The following RBFOX1 variants were observed in gnomAD, a reference collection of about 807,000 sequenced individuals.
RBFOX1 encodes RNA binding protein fox-1 homolog 1.
RBFOX1 carries 8 observed loss-of-function variants against 57.7 expected under a neutral mutation model. The observed-to-expected ratio is 0.14, with a 90% CI of 0.08 to 0.25. The LOEUF is 0.25. Among genes scored for constraint, RBFOX1 ranks in the 10% least tolerant of loss-of-function variants. RBFOX1 has a pLI of 1.00. For missense variants in RBFOX1, 611 were observed against 548.5 expected (o/e 1.11, Z -1.14); for synonymous variants, 326 against 222.4 (o/e 1.47, Z -4.15).
chr16:7,624,955 A>G (rs917585317), intron 10 of RBFOX1, among the ~76,000 whole-genome samples: 3 of 152,200 alleles, frequency 2.0e-5, no homozygotes, highest in Non-Finnish European at 4.4e-5. Context: ...GGAGGAAGAA[A>G]GAAAAGAACA....
At chr16:7,220,107 A>G (rs191921768) in intron 4 of RBFOX1, among the ~76,000 whole-genome samples, 3 of 152,344 alleles carry the variant, frequency 2.0e-5, no homozygotes, top group East Asian at 1.9e-4. Context: ...ACCAAACAAA[A>G]TTCACCATAT....
At chr16:5,504,199 C>T (rs2043298581) in intron 2 of RBFOX1, among the ~76,000 whole-genome samples, 2 of 152,218 alleles carry the variant, frequency 1.3e-5, no homozygotes, top group South Asian at 4.1e-4. Context: ...AGAGCAGCAG[C>T]ACCCCTGGAG....
Position 7,665,548 on chromosome 16 carries a change from T to C in RBFOX1, c.930+580T>C, listed in dbSNP as rs780970614. Among the ~76,000 whole-genome samples, 3 of 152,142 alleles carry C rather than the reference T, an allele frequency of 2.0e-5. No homozygotes were observed. The East Asian group carries it at 5.8e-4, about 29-fold the overall frequency. On this transcript the variant is annotated intron_variant, in intron 13 of 15. Transcript: ENST00000550418. Reference sequence around the variant, plus strand: ...TTCCATTTCCCCCAATTACCTGACTTAAAATTGCTTGCTAAATAGTAACAC... The same window carrying C: ...TTCCATTTCCCCCAATTACCTGACTCAAAATTGCTTGCTAAATAGTAACAC...
At chr16:5,454,371 G>T (rs1388075272) in intron 1 of RBFOX1, among the ~76,000 whole-genome samples, 4 of 152,230 alleles carry the variant, frequency 2.6e-5, no homozygotes, top group African/African-American at 9.6e-5. Flanking sequence ...GTTTGAGCAG[G>T]TGTGAAGGTT....
intron 2 of RBFOX1, among the ~76,000 whole-genome samples, chr16:6,568,368 G>T (rs569330248): frequency 6.6e-6 from 1 of 152,266 alleles, no homozygotes; most frequent in South Asian, 2.1e-4. Flanking sequence ...TTTACAGGCT[G>T]CTGGAGTGTC....
At chr16:6,757,805 T>C (rs927449508) in intron 3 of RBFOX1, among the ~76,000 whole-genome samples, 13 of 152,188 alleles carry the variant, frequency 8.5e-5, no homozygotes, top group Admixed American at 8.5e-4. Context: ...TTGAAATGTC[T>C]CCAACCATAG....
rs1287736402 is a variant in RBFOX1 at position 7,692,898 on chromosome 16, TGATA to T, written c.995+16061_995+16064del. Among the ~76,000 whole-genome samples the T allele has an allele frequency of 3.3e-5, 5 of 152,048 alleles. No individual in the cohort carries two copies. In the East Asian group the frequency reaches 7.7e-4, roughly 24 times the overall value. ...GACAGCACTTTTTCTTATTTTTTTT[TGATA>T]TTATAAGTCTAGAATTTTATAATTT... On this transcript the variant is annotated intron_variant, in intron 14 of 15. Transcript: ENST00000550418.
intron 2 of RBFOX1, among the ~76,000 whole-genome samples, chr16:6,592,501 C>CATTTG (rs1385582930): frequency 2.0e-5 from 3 of 152,146 alleles, no homozygotes; most frequent in Non-Finnish European, 4.4e-5. Flanking sequence ...ATGGAGCGTG[C>CATTTG]ATTTGTACAT....
chr16:7,487,878 C>G (rs187853097), intron 4 of RBFOX1, among the ~76,000 whole-genome samples: 5 of 152,290 alleles, frequency 3.3e-5, no homozygotes, highest in Admixed American at 1.3e-4. Context: ...AACAGTCAAT[C>G]TCAATTCCAA....
chr16:7,628,485 C>A (rs751292086), intron 10 of RBFOX1, among the ~76,000 whole-genome samples: 4 of 152,152 alleles, frequency 2.6e-5, no homozygotes, highest in Non-Finnish European at 5.9e-5. Flanking sequence ...CCTCCCCTTG[C>A]TTGGTTTCAT....
intron 3 of RBFOX1, among the ~76,000 whole-genome samples, chr16:6,864,676 C>T (rs2059601618): frequency 6.6e-6 from 1 of 151,732 alleles, no homozygotes; most frequent in Non-Finnish European, 1.5e-5. Flanking sequence ...TCCAAACTGG[C>T]TTTTAAAGCC....
intron 2 of RBFOX1, among the ~76,000 whole-genome samples, chr16:6,531,241 A>G (rs2096653920): frequency 6.6e-6 from 1 of 152,140 alleles, no homozygotes; most frequent in African/African-American, 2.4e-5. Flanking sequence ...ACAGCCATCA[A>G]GTTTGCTGTG....
chr16:6,184,099 T>G (rs2097089196), intron 1 of RBFOX1, among the ~76,000 whole-genome samples: 1 of 152,174 alleles, frequency 6.6e-6, no homozygotes, highest in Admixed American at 6.5e-5. Context: ...GGATTTCCCC[T>G]TATAAAACCA....
chr16:6,961,852 C>G (rs1020473138), intron 3 of RBFOX1, among the ~76,000 whole-genome samples: 2 of 152,148 alleles, frequency 1.3e-5, no homozygotes, highest in South Asian at 4.2e-4. Flanking sequence ...AAGTCACTTT[C>G]CTTGCCATCC....
chr16:5,367,097 T>C (rs995580854), intron 1 of RBFOX1, among the ~76,000 whole-genome samples: 2 of 146,982 alleles, frequency 1.4e-5, no homozygotes, highest in African/African-American at 4.9e-5. Context: ...ATGTCAGAAA[T>C]GCATTTTAAT....
intron 3 of RBFOX1, among the ~76,000 whole-genome samples, chr16:5,862,097 G>C (rs1225632809): frequency 2.0e-5 from 3 of 152,160 alleles, no homozygotes; most frequent in Admixed American, 1.3e-4. Context: ...TCATACGCTG[G>C]TGTCAGACCA....
At chr16:7,244,237 C>T (rs1277883207) in intron 4 of RBFOX1, among the ~76,000 whole-genome samples, 2 of 84,210 alleles carry the variant, frequency 2.4e-5, no homozygotes. Flanking sequence ...AGGAAAATGC[C>T]AAAGTATTCC....
chr16:6,665,813 T>G (rs544548111), intron 3 of RBFOX1, among the ~76,000 whole-genome samples: 43 of 152,276 alleles, frequency 2.8e-4, no homozygotes, highest in Non-Finnish European at 1.2e-4. Context: ...AAAGATCCTT[T>G]AAGACAGATA....
intron 4 of RBFOX1, among the ~76,000 whole-genome samples, chr16:7,330,165 C>A (rs2096665511): frequency 6.6e-6 from 1 of 152,090 alleles, no homozygotes; most frequent in Admixed American, 6.6e-5. Context: ...TCCAGGACCT[C>A]CCCTCAGATA....
Sources: gnomAD v4.1 joint callset for allele counts (sites outside exome capture counted in the v4.1 genomes callset) on GRCh38, gnomAD v4.1.1 for gene constraint, MANE v1.5 for transcripts, NCBI Gene and HGNC (gene_info 2026-07-23, HGNC 2026-07-21) for gene names.